Variants in NHS observed in about 807,000 individuals in gnomAD.
The protein encoded by NHS is actin remodeling regulator NHS.
In NHS, 5 loss-of-function variants were observed where a neutral mutation model predicts 72.5. The observed-to-expected ratio is 0.07, with a 90% confidence interval of 0.04 to 0.14. The LOEUF is 0.14. Among genes scored for constraint, NHS ranks in the 10% least tolerant of loss-of-function variants. NHS has a pLI of 1.00. For missense variants in NHS, 1,072 were observed against 1,355.7 expected (o/e 0.79, Z 3.29); for synonymous variants, 464 against 547.7 (o/e 0.85, Z 2.13).
chrX:17,430,556 G>A (rs776515183), intron 1 of NHS, among the ~76,000 whole-genome samples: 25 of 108,867 alleles, frequency 2.3e-4, no homozygotes, highest in African/African-American at 2.7e-4. Flanking sequence ...CATTTAAAGC[G>A]TACAGTTTAG....
chrX:17,728,476 A>G (rs746062601), intron 7 of NHS, 148 bp downstream of exon 7: 2 of 875,326 alleles, frequency 2.3e-6, no homozygotes, highest in African/African-American at 4.0e-5. Flanking sequence ...TTGAGATAAA[A>G]GCTTTTGTTA....
chrX:17,458,571 C>A (rs1334096276), intron 1 of NHS, among the ~76,000 whole-genome samples: 2 of 110,902 alleles, frequency 1.8e-5, no homozygotes, highest in Admixed American at 9.6e-5. Context: ...CGGCTCACTG[C>A]AACTTCTGCC....
intron 1 of NHS, among the ~76,000 whole-genome samples, chrX:17,405,637 G>T (rs1034023180): frequency 9.0e-6 from 1 of 111,424 alleles, no homozygotes; most frequent in Admixed American, 9.9e-5. Flanking sequence ...AATTAATCTT[G>T]AATTTTCATT....
rs184852475 is a variant in NHS, at chrX:17,539,171, T to C, written c.566-148571T>C. ...AGGCCTTTGCCCTTGCTGTTCCCTC[T>C]GCCTGGAATGCTTTCCCCTGAAAGC... On this transcript the variant is annotated intron_variant, in intron 1 of 8. Transcript: ENST00000676302. Among the ~76,000 whole-genome samples, 7 of 111,902 alleles carry C rather than the reference T, an allele frequency of 6.3e-5. 1 individual carries two copies. The Admixed American group carries it at 6.6e-4, about 11-fold the overall frequency.
At chrX:17,645,582 A>T (rs1470077025) in intron 1 of NHS, among the ~76,000 whole-genome samples, 1 of 111,050 alleles carries the variant, frequency 9.0e-6, no homozygotes, top group Non-Finnish European at 1.9e-5. Context: ...GGCAGGGAGG[A>T]CCTCAGTGTG....
intron 1 of NHS, among the ~76,000 whole-genome samples, chrX:17,522,498 C>A (rs2065153652): frequency 1.8e-5 from 1 of 54,433 alleles, no homozygotes; most frequent in Non-Finnish European, 3.9e-5. Flanking sequence ...AAGCCGCCCC[C>A]CCCCCCCCGC....
At chrX:17,573,329 T>C (rs2065492131) in intron 1 of NHS, among the ~76,000 whole-genome samples, 1 of 111,373 alleles carries the variant, frequency 9.0e-6, no homozygotes, top group Admixed American at 9.6e-5. Context: ...CAAAGGTAGA[T>C]TTGGTGTTTT....
Position 17,615,261 on chromosome X carries a change from C to CAT in NHS, c.566-72466_566-72465dup, listed in dbSNP as rs756380375. ...ACGTATATATATACACATATATACA[C>CAT]ATATATATATATATATGGTCTCACT... On this transcript the variant is annotated intron_variant, in intron 1 of 8. Transcript: ENST00000676302. Among the ~76,000 whole-genome samples the CAT allele has an allele frequency of 3.7e-3, 336 of 89,802 alleles. 1 individual carries two copies. The highest frequency in any genetic ancestry group is 7.3e-3 in the African/African-American group (142 of 19,558). The allele number at this position is 89,802 out of a possible 115,157, so 78.0% of individuals were successfully genotyped here. A position where few individuals can be genotyped will look rare whatever the true frequency, so the allele number is the denominator to read the frequency against.
At chrX:17,588,688 A>G (rs2065587810) in intron 1 of NHS, among the ~76,000 whole-genome samples, 1 of 111,022 alleles carries the variant, frequency 9.0e-6, no homozygotes, top group South Asian at 3.8e-4. Flanking sequence ...CATCTGTGAA[A>G]GTGAGGCAGT....
At chrX:17,630,557 C>T (rs767111383) in intron 1 of NHS, among the ~76,000 whole-genome samples, 1 of 110,490 alleles carries the variant, frequency 9.1e-6, no homozygotes, top group African/African-American at 3.3e-5. Context: ...CCCCATCAAC[C>T]ATCTCACCTC....
chrX:17,602,309 A>G (rs1452299274), intron 1 of NHS, among the ~76,000 whole-genome samples: 1 of 112,198 alleles, frequency 8.9e-6, no homozygotes, highest in African/African-American at 3.2e-5. Flanking sequence ...CTTCCCAGGA[A>G]AGCATACTGA....
intron 1 of NHS, among the ~76,000 whole-genome samples, chrX:17,561,468 G>T (rs66657745): frequency 0.08 from 8,668 of 108,754 alleles, 884 homozygotes; most frequent in African/African-American, 0.27. Flanking sequence ...GGGTTTTGAA[G>T]GGAGGAGGAA....
At chrX:17,642,190 C>T (rs763425923) in intron 1 of NHS, among the ~76,000 whole-genome samples, 3 of 112,308 alleles carry the variant, frequency 2.7e-5, no homozygotes, top group Non-Finnish European at 5.6e-5. Context: ...TCGTGATCCG[C>T]CCTCCTCGGC....
rs746570149 is a variant in NHS at position 17,553,118 on chromosome X, C to T, written c.566-134624C>T. Among the ~76,000 whole-genome samples the T allele has an allele frequency of 8.6e-4, 97 of 112,977 alleles. 1 individual carries two copies. Among genetic ancestry groups the T allele is most frequent in the African/African-American group, 3.0e-3 (94 of 31,162 alleles). ...TATCTGTGGGGGTCCTACCCTCCTC[C>T]TCCCACCAAACTAAGGCAGAGCCTA... On this transcript the variant is annotated intron_variant, in intron 1 of 8. Coordinates refer to ENST00000676302, the MANE Select transcript of NHS (RefSeq NM_001291867.2).
At chrX:17,682,409 C>T (rs1275757995) in intron 1 of NHS, among the ~76,000 whole-genome samples, 4 of 111,351 alleles carry the variant, frequency 3.6e-5, no homozygotes, top group African/African-American at 9.8e-5. Context: ...GGCACCAGAA[C>T]GGATGGTTTG....
chrX:17,609,168 T>C (rs1037599148), intron 1 of NHS, among the ~76,000 whole-genome samples: 1 of 112,098 alleles, frequency 8.9e-6, no homozygotes, highest in African/African-American at 3.2e-5. Context: ...ATTTATTTAA[T>C]GCCAAATTGA....
At chrX:17,498,075 A>T (rs1017479909) in intron 1 of NHS, among the ~76,000 whole-genome samples, 14 of 112,062 alleles carry the variant, frequency 1.2e-4, no homozygotes, top group African/African-American at 4.5e-4. Flanking sequence ...GTATTTTTTT[A>T]AAACTCCCCA....
At chrX:17,518,317 T>C (rs1239380354) in intron 1 of NHS, among the ~76,000 whole-genome samples, 2 of 112,006 alleles carry the variant, frequency 1.8e-5, no homozygotes, top group Non-Finnish European at 3.8e-5. Flanking sequence ...GTGTCAACCT[T>C]CTGCAAGGAT....
At chrX:17,670,393 C>G (rs1189231684) in intron 1 of NHS, among the ~76,000 whole-genome samples, 1 of 112,293 alleles carries the variant, frequency 8.9e-6, no homozygotes, top group South Asian at 3.7e-4. Context: ...TTCATGTAAA[C>G]ATTCTTGCCC....
Sources: gnomAD v4.1 joint callset for allele counts (sites outside exome capture counted in the v4.1 genomes callset) on GRCh38, gnomAD v4.1.1 for gene constraint, MANE v1.5 for transcripts, NCBI Gene and HGNC (gene_info 2026-07-23, HGNC 2026-07-21) for gene names.